The following DPYD variants were observed in gnomAD, a reference collection of about 807,000 sequenced individuals.
DPYD encodes dihydropyrimidine dehydrogenase [NADP(+)].
A neutral mutation model predicts 116.2 loss-of-function variants in DPYD; 109 were observed. That is an observed-to-expected ratio of 0.94 (90% CI 0.80 to 1.10). The LOEUF (loss-of-function observed/expected upper bound fraction) is 1.10, where lower values mean the gene tolerates loss of function less well. DPYD is among the 50% of genes least tolerant of loss of function. DPYD has a pLI of 0.00. For synonymous variants in DPYD, 440 were observed against 432.0 expected (o/e 1.02, Z -0.23); for missense variants, 1,302 against 1,254.5 (o/e 1.04, Z -0.57).
intron 7 of DPYD, among the ~76,000 whole-genome samples, chr1:97,686,121 A>G (rs1660712992): frequency 6.6e-6 from 1 of 152,138 alleles, no homozygotes; most frequent in African/African-American, 2.4e-5. Context: ...TGGTACTGGA[A>G]AAAAATAAAC....
chr1:97,250,748 G>T (rs1663032821), intron 18 of DPYD, among the ~76,000 whole-genome samples: 1 of 152,136 alleles, frequency 6.6e-6, no homozygotes, highest in Non-Finnish European at 1.5e-5. Flanking sequence ...AAGAGTCTAT[G>T]GTGGTATAAG....
chr1:97,158,693 G>C (rs1045587119), intron 20 of DPYD, among the ~76,000 whole-genome samples: 1 of 151,962 alleles, frequency 6.6e-6, no homozygotes, highest in Non-Finnish European at 1.5e-5. Flanking sequence ...AACTGGCTGA[G>C]AAATCAGAGT....
At chr1:97,455,055 G>A (rs1266473415) in intron 13 of DPYD, among the ~76,000 whole-genome samples, 3 of 151,788 alleles carry the variant, frequency 2.0e-5, no homozygotes, top group East Asian at 1.9e-4. Flanking sequence ...ATACTGACAG[G>A]ATAAAACTAT....
At chr1:97,223,740 T>C (rs1660930939) in intron 19 of DPYD, among the ~76,000 whole-genome samples, 1 of 152,036 alleles carries the variant, frequency 6.6e-6, no homozygotes, top group Admixed American at 6.6e-5. Flanking sequence ...AGTACTTGAA[T>C]ACTAGAAAGA....
chr1:97,676,241 T>C (rs911533643), intron 8 of DPYD, among the ~76,000 whole-genome samples: 1 of 152,136 alleles, frequency 6.6e-6, no homozygotes, highest in Non-Finnish European at 1.5e-5. Context: ...TTCTAGACGT[T>C]TGATGGGGAT....
At chr1:97,397,009 C>T (rs932828867) in intron 14 of DPYD, among the ~76,000 whole-genome samples, 2 of 152,192 alleles carry the variant, frequency 1.3e-5, no homozygotes, top group Middle Eastern at 3.4e-3. Context: ...TCTTACCTCA[C>T]TCAATGTGAG....
At chr1:97,300,600 T>C (rs1423529622) in intron 18 of DPYD, among the ~76,000 whole-genome samples, 2 of 152,034 alleles carry the variant, frequency 1.3e-5, no homozygotes, top group Admixed American at 6.6e-5. Flanking sequence ...TAAAGAAAAA[T>C]GTAACTAAAA....
intron 20 of DPYD, among the ~76,000 whole-genome samples, chr1:97,134,636 A>C (rs1324359569): frequency 6.6e-6 from 1 of 152,224 alleles, no homozygotes; most frequent in Non-Finnish European, 1.5e-5. Flanking sequence ...CATTTGGTTA[A>C]ATCTTAAAAT....
At chr1:97,918,208 T>C (rs901782972) in intron 1 of DPYD, among the ~76,000 whole-genome samples, 1 of 152,214 alleles carries the variant, frequency 6.6e-6, no homozygotes, top group Non-Finnish European at 1.5e-5. Flanking sequence ...TCTTTATTTT[T>C]TAACATTTTT....
chr1:97,734,725 A>G (rs963542254), intron 4 of DPYD, among the ~76,000 whole-genome samples: 1 of 152,222 alleles, frequency 6.6e-6, no homozygotes, highest in Non-Finnish European at 1.5e-5. Context: ...CAGTAAGTAG[A>G]CCAGAGAAAT....
At chr1:97,227,379 A>G (rs1661256019) in intron 19 of DPYD, among the ~76,000 whole-genome samples, 1 of 150,854 alleles carries the variant, frequency 6.6e-6, no homozygotes, top group Non-Finnish European at 1.5e-5. Context: ...AAAAGAAAGA[A>G]AGAAAAGCAA....
chr1:97,521,697 G>A (rs1301867244), intron 12 of DPYD, among the ~76,000 whole-genome samples: 2 of 152,064 alleles, frequency 1.3e-5, no homozygotes, highest in Admixed American at 6.6e-5. Context: ...CATGGTACTG[G>A]TACCAAAACA....
chr1:97,832,695 C>T (rs1283016523), intron 2 of DPYD, among the ~76,000 whole-genome samples: 4 of 152,030 alleles, frequency 2.6e-5, no homozygotes, highest in African/African-American at 7.2e-5. Flanking sequence ...TCAAAAAGAA[C>T]TGGTTTTGGT....
At chr1:97,848,823 A>G (rs1201765669) in intron 2 of DPYD, among the ~76,000 whole-genome samples, 2 of 152,120 alleles carry the variant, frequency 1.3e-5, no homozygotes, top group East Asian at 3.9e-4. Context: ...AGGTTTCGGG[A>G]TTTTTTTCTG....
At chr1:97,511,865 T>C (rs1647827086) in intron 13 of DPYD, among the ~76,000 whole-genome samples, 3 of 151,940 alleles carry the variant, frequency 2.0e-5, no homozygotes, top group Admixed American at 1.3e-4. Context: ...CTCTGCATTT[T>C]AAAGGCTTAT....
At chr1:97,700,819 C>A (rs936951887) in intron 5 of DPYD, among the ~76,000 whole-genome samples, 2 of 151,236 alleles carry the variant, frequency 1.3e-5, no homozygotes, top group Non-Finnish European at 2.9e-5. Flanking sequence ...TCATTAAAAG[C>A]TGGAATTTGT....
At chr1:97,583,255 C>A (rs1165904170) in intron 10 of DPYD, among the ~76,000 whole-genome samples, 2 of 152,166 alleles carry the variant, frequency 1.3e-5, no homozygotes, top group Non-Finnish European at 2.9e-5. Flanking sequence ...AGGCGTGAAC[C>A]ACTGCGCCTG....
At chr1:97,633,748 G>A (rs1221989394) in intron 8 of DPYD, among the ~76,000 whole-genome samples, 1 of 152,038 alleles carries the variant, frequency 6.6e-6, no homozygotes, top group East Asian at 1.9e-4. Flanking sequence ...TAGATTCAGG[G>A]GCTTATATGC....
chr1:97,914,197 A>C (rs1674105542), intron 1 of DPYD, among the ~76,000 whole-genome samples: 1 of 152,182 alleles, frequency 6.6e-6, no homozygotes, highest in Non-Finnish European at 1.5e-5. Flanking sequence ...TATATGAGTC[A>C]TCTCTCAGTA....
Sources: gnomAD v4.1 joint callset for allele counts (sites outside exome capture counted in the v4.1 genomes callset) on GRCh38, gnomAD v4.1.1 for gene constraint, MANE v1.5 for transcripts, NCBI Gene and HGNC (gene_info 2026-07-23, HGNC 2026-07-21) for gene names.